SGSM2: variants seen among roughly 807,000 people sequenced by gnomAD.
The protein encoded by SGSM2 is RUN and TBC1 domain containing 1.
Under a neutral mutation model 126.6 loss-of-function variants are expected in SGSM2, and 89 were observed. That is an observed-to-expected ratio of 0.70 (90% CI 0.59 to 0.84). The LOEUF (loss-of-function observed/expected upper bound fraction) is 0.84. SGSM2 is among the 40% of genes least tolerant of loss of function. SGSM2 has a pLI of 0.00. For synonymous variants in SGSM2, 614 were observed against 574.3 expected (o/e 1.07, Z -0.99); for missense variants, 1,404 against 1,416.6 (o/e 0.99, Z 0.14).
chr17:2,346,384 T>G (rs564019662), intron 2 of SGSM2, among the ~76,000 whole-genome samples: 17 of 152,242 alleles, frequency 1.1e-4, no homozygotes, highest in African/African-American at 3.9e-4. Context: ...TCTCTGAGCT[T>G]CTTAGAATGC....
chr17:2,379,679 T>G lies in SGSM2; in HGVS notation c.*159T>G. On this transcript the variant is annotated 3_prime_UTR_variant, in exon 24 of 24. Transcript: ENST00000268989. ...ATCCGACTCCCGGCAGTGCTGACCCTGCAGGGCAAGTCAGGGGCCAGGATG... is the reference window on the plus strand; with the variant it reads ...ATCCGACTCCCGGCAGTGCTGACCCGGCAGGGCAAGTCAGGGGCCAGGATG... 1 of 1,435,566 alleles carries G rather than the reference T, an allele frequency of 7.0e-7. No homozygotes were observed. Among genetic ancestry groups the G allele is most frequent in the Non-Finnish European group, 9.2e-7 (1 of 1,092,228 alleles). 88.9% of individuals were successfully genotyped at this position (1,435,566 alleles called of 1,614,324 possible).
chr17:2,347,253 C>A (rs948332745), intron 2 of SGSM2, among the ~76,000 whole-genome samples: 4 of 151,968 alleles, frequency 2.6e-5, no homozygotes, highest in African/African-American at 9.7e-5. Context: ...TTACAGGTGC[C>A]TGCCACCACA....
Position 2,363,623 on chromosome 17 carries a change from C to T in SGSM2, c.807+24C>T, listed in dbSNP as rs374739376. The T allele has an allele frequency of 1.2e-6, 2 of 1,610,242 alleles. No individual in the cohort carries two copies. The highest frequency in any genetic ancestry group is 2.7e-5 in the African/African-American group (2 of 74,872). Reference sequence around the variant, plus strand: ...CGGTAGGAAAGCTTCATCCTGCCATCCCTCCCCGAAGGTCCCCGAACGAGA... The same window carrying T: ...CGGTAGGAAAGCTTCATCCTGCCATTCCTCCCCGAAGGTCCCCGAACGAGA... On this transcript the variant is annotated intron_variant, in intron 7 of 23. Coordinates refer to ENST00000268989, the MANE Select transcript of SGSM2 (RefSeq NM_014853.3). This position sits in a 1 kb window ranked among gnomAD's most constrained non-coding sequence, Gnocchi z 4.2.
chr17:2,379,753 G>A lies in SGSM2; in HGVS notation c.*233G>A. The A allele has an allele frequency of 7.2e-7, 1 of 1,398,206 alleles. No individual in the cohort carries two copies. Among genetic ancestry groups the A allele is most frequent in the Non-Finnish European group, 9.3e-7 (1 of 1,074,924 alleles). The allele number at this position is 1,398,206 out of a possible 1,614,324, so 86.6% of individuals were successfully genotyped here. A position where few individuals can be genotyped will look rare whatever the true frequency, so the allele number is the denominator to read the frequency against. ...GAGGGGTCAGCCTCAGGGAGCAGCT[G>A]CCTTGGGGGACACACCTACTCTGCT... On this transcript the variant is annotated 3_prime_UTR_variant, in exon 24 of 24. Coordinates refer to ENST00000268989, the MANE Select transcript of SGSM2 (RefSeq NM_014853.3).
intron 12 of SGSM2, among the ~76,000 whole-genome samples, chr17:2,370,142 G>A (rs1367543488): frequency 2.3e-4 from 35 of 152,246 alleles, no homozygotes; most frequent in Admixed American, 2.3e-3. Context: ...GGCCCAGGCT[G>A]AGCCAGCCGA....
chr17:2,354,587 G>A (rs890603106), intron 2 of SGSM2, among the ~76,000 whole-genome samples: 10 of 152,140 alleles, frequency 6.6e-5, no homozygotes, highest in Non-Finnish European at 1.3e-4. Flanking sequence ...GTCTTTTGCT[G>A]TTATAACTAA....
intron 2 of SGSM2, among the ~76,000 whole-genome samples, chr17:2,348,225 C>G (rs184964633): frequency 1.6e-3 from 243 of 152,274 alleles, no homozygotes; most frequent in Admixed American, 2.8e-3. Flanking sequence ...TGCCTCTCCC[C>G]TGGGATATTG....
At chr17:2,376,635 C>T (rs556933704) in intron 19 of SGSM2, 98 bp from the exon 20 acceptor site, 1 of 1,332,676 alleles carries the variant, frequency 7.5e-7, no homozygotes, top group East Asian at 2.3e-5. Flanking sequence ...GAAAGGCTGA[C>T]TTCTGGGCGG....
chr17:2,376,042 G>A (rs1023726854), intron 18 of SGSM2, 95 bp from the exon 19 acceptor site: 1 of 1,583,292 alleles, frequency 6.3e-7, no homozygotes, highest in Non-Finnish European at 8.6e-7. Flanking sequence ...TGGTCTCTGG[G>A]TTCCGTTTTG....
intron 2 of SGSM2, among the ~76,000 whole-genome samples, chr17:2,359,071 A>G (rs553342700): frequency 4.0e-5 from 6 of 151,340 alleles, no homozygotes; most frequent in African/African-American, 7.3e-5. Flanking sequence ...TAGAGATGGG[A>G]TTTCACCGTG....
At chr17:2,354,318 G>A (rs572750447) in intron 2 of SGSM2, among the ~76,000 whole-genome samples, 2 of 152,244 alleles carry the variant, frequency 1.3e-5, no homozygotes, top group South Asian at 4.1e-4. Flanking sequence ...AAAGTGCTGG[G>A]ATTACAGGCG....
rs979360530 is a variant in SGSM2, at chr17:2,367,171, G to A, written c.1289-100G>A. 6.7e-6 allele frequency: 9 copies of A among 1,350,246 alleles called. No individual in the cohort carries two copies. The highest frequency in any genetic ancestry group is 2.2e-4 in the Middle Eastern group (1 of 4,540). The allele number at this position is 1,350,246 out of a possible 1,614,324, so 83.6% of individuals were successfully genotyped here. A position where few individuals can be genotyped will look rare whatever the true frequency, so the allele number is the denominator to read the frequency against. ...CCTCTTCTGTGCCCTGCAGATTCAC[G>A]ATGACCCCGGCCTCCATTCCACTCC... On this transcript the variant is annotated intron_variant, in intron 11 of 23. Transcript: ENST00000268989. This position sits in a 1 kb window ranked among gnomAD's most constrained non-coding sequence, Gnocchi z 4.0.
intron 2 of SGSM2, among the ~76,000 whole-genome samples, chr17:2,347,443 A>G (rs1256900252): frequency 2.0e-5 from 3 of 150,942 alleles, no homozygotes; most frequent in Non-Finnish European, 4.4e-5. Context: ...AAATCCAAAA[A>G]CTACCACTGT....
rs1360694286 is a variant in SGSM2 at position 2,376,317 on chromosome 17, T to G, written c.2609+56T>G. On this transcript the variant is annotated intron_variant, in intron 19 of 23. Coordinates refer to ENST00000268989, the MANE Select transcript of SGSM2 (RefSeq NM_014853.3). ...GGCGGGACCCTGCCGCCAGTTACTC[T>G]GTGAAGATGAGGTCCGGAAGGTGCC... 5.7e-5 allele frequency: 86 copies of G among 1,504,052 alleles called. No homozygotes were observed. In the South Asian group the frequency reaches 9.8e-4, roughly 17 times the overall value. The allele number at this position is 1,504,052 out of a possible 1,614,324, so 93.2% of individuals were successfully genotyped here. A position where few individuals can be genotyped will look rare whatever the true frequency, so the allele number is the denominator to read the frequency against.
rs758954025 is a variant in SGSM2, at chr17:2,375,519, C to A, written c.2128C>A (p.Pro710Thr). The part of the protein sequence containing the change: ...DVFISVDDLE[P>T]PEPQDPEDSR... ...GTTTATCTCAGTGGATGATCTGGAA[C>A]CCCCGGAGCCCCAGGACCCTGAAGA... The change falls in exon 18 of 24, where the codon CCC (proline) becomes ACC (threonine). Residue 710 changes from proline (P) to threonine (T), a missense_variant. Pro to Thr is a conservative substitution (Grantham distance 38). Transcript: ENST00000268989. 6.2e-7 allele frequency: 1 copy of A among 1,611,102 alleles called. No individual in the cohort carries two copies.
At chr17:2,353,844 C>G (rs1218441078) in intron 2 of SGSM2, among the ~76,000 whole-genome samples, 1 of 152,040 alleles carries the variant, frequency 6.6e-6, no homozygotes, top group Non-Finnish European at 1.5e-5. Flanking sequence ...TGTACGAGTC[C>G]CACACAGGTA....
intron 2 of SGSM2, 126 bp downstream of exon 2, chr17:2,343,746 G>T: frequency 1.3e-6 from 1 of 776,490 alleles, no homozygotes; most frequent in East Asian, 2.6e-5. Flanking sequence ...AAATCAACCT[G>T]GAAGCTTTTG....
At chr17:2,347,543 A>AT (rs928204916) in intron 2 of SGSM2, among the ~76,000 whole-genome samples, 7 of 147,622 alleles carry the variant, frequency 4.7e-5, no homozygotes, top group Non-Finnish European at 8.9e-5. Context: ...TGGTTTTTGG[A>AT]TTTTTTTTCA....
chr17:2,373,505 A>G lies in SGSM2; in HGVS notation c.2092A>G (p.Ser698Gly). Reference sequence around the variant, plus strand: ...CCTCATCCACCGAGACTCCACCATCAGCAACGATGTGAGCCAGACGGGACC... The same window carrying G: ...CCTCATCCACCGAGACTCCACCATCGGCAACGATGTGAGCCAGACGGGACC... ...QRLIHRDSTISNDVFISVDDL... is the reference protein window; with the variant it reads ...QRLIHRDSTIGNDVFISVDDL... Residue 698 changes from serine (S) to glycine (G), a missense_variant, in exon 17 of 24, where the codon AGC becomes GGC. Ser to Gly is a moderately conservative substitution (Grantham distance 56). Coordinates refer to ENST00000268989, the MANE Select transcript of SGSM2 (RefSeq NM_014853.3). 1 of 1,602,302 alleles carries G rather than the reference A, an allele frequency of 6.2e-7. No individual in the cohort carries two copies. Among genetic ancestry groups the G allele is most frequent in the South Asian group, 1.1e-5 (1 of 90,956 alleles).
Sources: gnomAD v4.1 joint callset for allele counts (sites outside exome capture counted in the v4.1 genomes callset) on GRCh38, gnomAD v4.1.1 for gene constraint, Gnocchi (gnomAD v3.1) non-coding constraint, MANE v1.5 for transcripts, NCBI Gene and HGNC (gene_info 2026-07-23, HGNC 2026-07-21) for gene names.